CLIP1: variants seen among roughly 807,000 people sequenced by gnomAD.
CLIP1 encodes CAP-Gly domain-containing linker protein 1.
CLIP1 carries 66 observed loss-of-function variants against 161.6 expected under a neutral mutation model. The observed-to-expected ratio is 0.41, with a 90% CI of 0.33 to 0.50. The LOEUF is 0.50. CLIP1 is among the 20% of genes least tolerant of loss of function. The pLI is 0.27. For synonymous variants in CLIP1, 598 were observed against 626.2 expected (o/e 0.96, Z 0.67); for missense variants, 1,376 against 1,702.0 (o/e 0.81, Z 3.37).
chr12:122,273,940 C>T, intron 25 of CLIP1, 98 bp downstream of exon 25: 1 of 965,922 alleles, frequency 1.0e-6, no homozygotes, highest in Non-Finnish European at 1.6e-6. Flanking sequence ...TCGTGTTGGC[C>T]AGGCTGGTCT....
chr12:122,278,315 T>G lies in CLIP1; in HGVS notation c.3917-112A>C. The G allele has an allele frequency of 6.0e-6, 6 of 993,424 alleles. No homozygotes were observed. The South Asian group carries it at 8.6e-5, about 14-fold the overall frequency. The allele number at this position is 993,424 out of a possible 1,614,324, so 61.5% of individuals were successfully genotyped here. On this transcript the variant is annotated intron_variant, in intron 23 of 25. Transcript: ENST00000620786. ...CCTGTGTTCAAAACTCATTTTCCTG[T>G]GGACTTCCCAGATGCACCACTTTCA... is the stretch of plus-strand genomic sequence containing the variant.
chr12:122,410,466 T>A (rs1956487774), intron 1 of CLIP1, among the ~76,000 whole-genome samples: 1 of 150,420 alleles, frequency 6.6e-6, no homozygotes, highest in Admixed American at 6.6e-5. Flanking sequence ...CACTTTTTTT[T>A]TTTTTTTTTT....
At position 122,403,763 on chromosome 12, in the gene CLIP1, C is replaced by A. The variant is rs1417627592; in HGVS notation, c.-107+18758G>T. 8.6e-5 allele frequency among the ~76,000 whole-genome samples: 13 copies of A among 152,042 alleles called. No individual in the cohort carries two copies. The East Asian group carries it at 2.5e-3, about 29-fold the overall frequency. On this transcript the variant is annotated intron_variant, in intron 1 of 25. Transcript: ENST00000620786. ...CTTGAACTCCTGACCTCAGGTGAACCACCCACCTTGGCCTCCCAAAGTGTT... is the reference window on the plus strand; with the variant it reads ...CTTGAACTCCTGACCTCAGGTGAACAACCCACCTTGGCCTCCCAAAGTGTT...
At chr12:122,282,473 C>A (rs559089002) in intron 21 of CLIP1, among the ~76,000 whole-genome samples, 3 of 152,266 alleles carry the variant, frequency 2.0e-5, no homozygotes, top group South Asian at 4.1e-4. Flanking sequence ...TTCCTTACTA[C>A]TTATATAAGA....
intron 10 of CLIP1, among the ~76,000 whole-genome samples, chr12:122,344,887 A>C (rs1192768111): frequency 2.0e-5 from 3 of 152,206 alleles, no homozygotes; most frequent in African/African-American, 7.2e-5. Flanking sequence ...TTGGGAACCC[A>C]AGAGTGAGGA....
At chr12:122,301,246 G>GT (rs1379704511) in intron 20 of CLIP1, among the ~76,000 whole-genome samples, 5 of 152,166 alleles carry the variant, frequency 3.3e-5, no homozygotes, top group African/African-American at 1.2e-4. Flanking sequence ...TAATACTGTT[G>GT]TATCGAGGTT....
chr12:122,342,293 T>C (rs976702735), intron 10 of CLIP1: 4 of 152,242 alleles, frequency 2.6e-5, no homozygotes, highest in Non-Finnish European at 5.9e-5. Context: ...AGTTCACAGA[T>C]ATAACTGCCT....
rs150335917 is a variant in CLIP1, at chr12:122,394,846, C to T, written c.-106-14288G>A. ...CCAGTCTGGCGACAGCATGAGACTC[C>T]GGCTCAAAAATAAAAAAAAAGAAGG... On this transcript the variant is annotated intron_variant, in intron 1 of 25. Transcript: ENST00000620786. 4.9e-3 allele frequency among the ~76,000 whole-genome samples: 739 copies of T among 152,104 alleles called. 8 individuals are homozygous for T. Among genetic ancestry groups the T allele is most frequent in the African/African-American group, 0.017 (711 of 41,490 alleles).
At chr12:122,354,329 A>G in intron 7 of CLIP1, 124 bp downstream of exon 7, 1 of 600,934 alleles carries the variant, frequency 1.7e-6, no homozygotes, top group East Asian at 3.3e-5. Flanking sequence ...TGGGAGGCAG[A>G]GGTTGTAGTG....
chr12:122,299,788 T>C (rs1292064583), intron 20 of CLIP1, among the ~76,000 whole-genome samples: 5 of 151,440 alleles, frequency 3.3e-5, no homozygotes, highest in Non-Finnish European at 5.9e-5. Flanking sequence ...TGGTGGCAGG[T>C]GCCTGTAGTC....
chr12:122,276,464 T>C, intron 24 of CLIP1: 1 of 1,288,896 alleles, frequency 7.8e-7, no homozygotes. Flanking sequence ...AGAAAAGTGT[T>C]GTCAGCAGCA....
chr12:122,321,474 G>C (rs749413201), intron 17 of CLIP1, among the ~76,000 whole-genome samples: 1 of 151,298 alleles, frequency 6.6e-6, no homozygotes, highest in Non-Finnish European at 1.5e-5. Context: ...TCGAACTCCT[G>C]ACCTCAGGTG....
rs76956429 is a variant in CLIP1, at chr12:122,328,082, G to C, written c.3114C>G (p.Thr1038=). 1 of 1,614,002 alleles carries C rather than the reference G, an allele frequency of 6.2e-7. No individual in the cohort carries two copies. Among genetic ancestry groups the C allele is most frequent in the African/African-American group, 1.3e-5 (1 of 74,906 alleles). Residue 1038 remains threonine (T), a synonymous_variant, in exon 17 of 26, where the codon ACC becomes ACG. Transcript: ENST00000620786. ...GGTTCTGTAGGATTTCTTCATGCTTGGTTTTTGTCTCAGAAGTGGCTCTCT... is the reference window on the plus strand; with the variant it reads ...GGTTCTGTAGGATTTCTTCATGCTTCGTTTTTGTCTCAGAAGTGGCTCTCT... ...RYERATSETK[T]KHEEILQNLQ... is the part of the protein sequence containing the mutation.
chr12:122,404,969 G>T (rs1956277571), intron 1 of CLIP1, among the ~76,000 whole-genome samples: 1 of 150,684 alleles, frequency 6.6e-6, no homozygotes, highest in Non-Finnish European at 1.5e-5. Context: ...CTTCCATTCA[G>T]TTCCACATAT....
At chr12:122,305,873 C>A (rs1950850574) in intron 20 of CLIP1, among the ~76,000 whole-genome samples, 1 of 151,586 alleles carries the variant, frequency 6.6e-6, no homozygotes, top group African/African-American at 2.4e-5. Flanking sequence ...TTCGAGATTA[C>A]CCTGGGCAAC....
At chr12:122,277,963 A>G in intron 24 of CLIP1, 191 bp downstream of exon 24, 1 of 614,994 alleles carries the variant, frequency 1.6e-6, no homozygotes, top group Non-Finnish European at 2.9e-6. Flanking sequence ...AGCAGAAGAG[A>G]GAGAAGGTTT....
At position 122,279,567 on chromosome 12, in the gene CLIP1, T is replaced by C. The variant is rs1193080258; in HGVS notation, c.3648-422A>G. The C allele has an allele frequency of 1.3e-5, 2 of 152,600 alleles. No homozygotes were observed. Among genetic ancestry groups the C allele is most frequent in the South Asian group, 2.1e-4 (1 of 4,848 alleles). 9.5% of individuals were successfully genotyped at this position (152,600 alleles called of 1,614,324 possible). Reference sequence around the variant, plus strand: ...AAAATACACACATGCAAAGCAGTTATACAGATGTCATGCAGAGCAGCTTTA... The same window carrying C: ...AAAATACACACATGCAAAGCAGTTACACAGATGTCATGCAGAGCAGCTTTA... On this transcript the variant is annotated intron_variant, in intron 21 of 25. Coordinates refer to ENST00000620786, the MANE Select transcript of CLIP1 (RefSeq NM_001247997.2). The surrounding 1 kb of genome is among the most constrained non-coding windows in gnomAD (Gnocchi z 4.5).
chr12:122,304,705 T>C (rs557810627), intron 20 of CLIP1, among the ~76,000 whole-genome samples: 1 of 152,320 alleles, frequency 6.6e-6, no homozygotes, highest in South Asian at 2.1e-4. Flanking sequence ...TGACTGGCTT[T>C]GTTGGCTTCT....
At chr12:122,418,749 C>T (rs947134814) in intron 1 of CLIP1, among the ~76,000 whole-genome samples, 3 of 151,936 alleles carry the variant, frequency 2.0e-5, no homozygotes, top group African/African-American at 4.8e-5. Context: ...CGTGACAGAG[C>T]GAGACCCTGT....
Sources: gnomAD v4.1 joint callset for allele counts (sites outside exome capture counted in the v4.1 genomes callset) on GRCh38, gnomAD v4.1.1 for gene constraint, Gnocchi (gnomAD v3.1) non-coding constraint, MANE v1.5 for transcripts, NCBI Gene and HGNC (gene_info 2026-07-23, HGNC 2026-07-21) for gene names.